Variants in TBC1D22A observed in about 807,000 individuals in gnomAD.
The protein encoded by TBC1D22A is putative GTPase activator.
Under a neutral mutation model 60.2 loss-of-function variants are expected in TBC1D22A, and 38 were observed. The ratio of observed to expected loss-of-function variants is 0.63; its 90% CI spans 0.49 to 0.83. TBC1D22A has a LOEUF of 0.83. Among genes scored for constraint, TBC1D22A ranks in the 40% least tolerant of loss-of-function variants. The probability of loss-of-function intolerance (pLI) is 0.00; values close to 1 mark genes in which losing one functional copy is unlikely to be tolerated. For synonymous variants in TBC1D22A, 302 were observed against 281.7 expected (o/e 1.07, Z -0.72); for missense variants, 628 against 701.0 (o/e 0.90, Z 1.18).
intron 8 of TBC1D22A, among the ~76,000 whole-genome samples, chr22:46,953,873 T>C (rs566619220): frequency 6.6e-6 from 1 of 152,196 alleles, no homozygotes. Flanking sequence ...CCAACACCCT[T>C]AAGAGGGAGG....
At chr22:47,102,681 TC>T (rs2065464816) in intron 11 of TBC1D22A, among the ~76,000 whole-genome samples, 1 of 152,184 alleles carries the variant, frequency 6.6e-6, no homozygotes, top group African/African-American at 2.4e-5. Flanking sequence ...GCATGCCCTC[TC>T]CTAAGTTCTG....
At chr22:46,904,142 T>C (rs55679220) in intron 7 of TBC1D22A, among the ~76,000 whole-genome samples, 6,379 of 134,456 alleles carry the variant, frequency 0.047, 198 homozygotes, top group African/African-American at 0.066. Context: ...TATCTATCTA[T>C]CTACCTACCT....
intron 12 of TBC1D22A, among the ~76,000 whole-genome samples, chr22:47,124,200 C>T (rs1236185901): frequency 6.6e-6 from 1 of 152,180 alleles, no homozygotes; most frequent in Non-Finnish European, 1.5e-5. Flanking sequence ...GGGGTGGGCG[C>T]TGCCCTTGTG....
chr22:47,158,612 C>T (rs775932680), intron 12 of TBC1D22A, among the ~76,000 whole-genome samples: 13 of 152,134 alleles, frequency 8.5e-5, no homozygotes, highest in Non-Finnish European at 1.8e-4. Context: ...GGCCGGGAGC[C>T]CAACTGCCAG....
chr22:46,949,674 T>C (rs2147998322), intron 8 of TBC1D22A, among the ~76,000 whole-genome samples: 1 of 152,362 alleles, frequency 6.6e-6, no homozygotes, highest in Non-Finnish European at 1.5e-5. Flanking sequence ...GGAACTTTTA[T>C]TCTTTTGGTG....
intron 11 of TBC1D22A, among the ~76,000 whole-genome samples, chr22:47,096,499 G>A (rs539482733): frequency 1.3e-5 from 2 of 152,224 alleles, no homozygotes; most frequent in South Asian, 2.1e-4. Context: ...TAAAATTTGG[G>A]GGTAGTTAAC....
intron 12 of TBC1D22A, among the ~76,000 whole-genome samples, chr22:47,159,815 A>G (rs2067898936): frequency 6.6e-6 from 1 of 151,748 alleles, no homozygotes; most frequent in African/African-American, 2.4e-5. Context: ...CACCCACAGC[A>G]CACAACCCCC....
chr22:47,172,547 C>G (rs966605558), intron 12 of TBC1D22A, among the ~76,000 whole-genome samples: 1 of 152,194 alleles, frequency 6.6e-6, no homozygotes. Context: ...TTATGTAAAA[C>G]CTTTTACCTC....
At chr22:47,056,067 G>A (rs28690686) in intron 11 of TBC1D22A, among the ~76,000 whole-genome samples, 9 of 152,112 alleles carry the variant, frequency 5.9e-5, no homozygotes, top group African/African-American at 2.2e-4. Context: ...TAGGTGTCCC[G>A]TGCACACATC....
chr22:46,823,146 G>T (rs2085900596), intron 4 of TBC1D22A, among the ~76,000 whole-genome samples: 1 of 152,156 alleles, frequency 6.6e-6, no homozygotes, highest in Non-Finnish European at 1.5e-5. Flanking sequence ...AAATACACAT[G>T]TAGGAGGCCG....
chr22:47,007,518 G>T (rs1346456212), intron 10 of TBC1D22A, among the ~76,000 whole-genome samples: 1 of 152,190 alleles, frequency 6.6e-6, no homozygotes, highest in Non-Finnish European at 1.5e-5. Context: ...CATACCACAG[G>T]CTGGTGGCTT....
At chr22:46,807,359 G>A (rs1353712865) in intron 4 of TBC1D22A, among the ~76,000 whole-genome samples, 1 of 152,118 alleles carries the variant, frequency 6.6e-6, no homozygotes, top group Non-Finnish European at 1.5e-5. Flanking sequence ...CCTGCTTGTC[G>A]GTGTTGTGGA....
chr22:47,024,683 G>A (rs879926851), intron 10 of TBC1D22A, among the ~76,000 whole-genome samples: 3 of 151,926 alleles, frequency 2.0e-5, no homozygotes, highest in African/African-American at 4.8e-5. Flanking sequence ...GTGAGACCCC[G>A]TCTCTTAAAA....
chr22:46,931,371 GTT>G (rs1318593350), intron 8 of TBC1D22A, among the ~76,000 whole-genome samples: 1 of 152,140 alleles, frequency 6.6e-6, no homozygotes, highest in Non-Finnish European at 1.5e-5. Context: ...TAAAAAATGA[GTT>G]TCTCTTCATT....
chr22:46,881,605 G>A (rs552731609), intron 5 of TBC1D22A, among the ~76,000 whole-genome samples: 4 of 152,342 alleles, frequency 2.6e-5, no homozygotes, highest in Admixed American at 2.0e-4. Context: ...TGTCTGGCTC[G>A]TAGGAGCAGT....
At chr22:47,106,141 A>G (rs2065624997) in intron 11 of TBC1D22A, among the ~76,000 whole-genome samples, 1 of 152,218 alleles carries the variant, frequency 6.6e-6, no homozygotes, top group South Asian at 2.1e-4. Context: ...CAGAAAGACA[A>G]AGAGATGGAA....
At chr22:46,982,325 G>T (rs1479346553) in intron 9 of TBC1D22A, among the ~76,000 whole-genome samples, 2 of 151,412 alleles carry the variant, frequency 1.3e-5, no homozygotes, top group Non-Finnish European at 2.9e-5. Context: ...CCGGGTTCAA[G>T]CAATTCTCCT....
intron 1 of TBC1D22A, among the ~76,000 whole-genome samples, chr22:46,781,047 C>T (rs879269461): frequency 6.6e-6 from 1 of 152,128 alleles, no homozygotes; most frequent in Non-Finnish European, 1.5e-5. Context: ...GGCATTTCCC[C>T]CTGCCCCGAC....
At chr22:46,986,329 G>T (rs2074721043) in intron 9 of TBC1D22A, among the ~76,000 whole-genome samples, 1 of 149,778 alleles carries the variant, frequency 6.7e-6, no homozygotes. Flanking sequence ...AGTCCTCTTT[G>T]TTCTTTTAAA....
Sources: allele counts gnomAD v4.1 joint callset (sites outside exome capture counted in the v4.1 genomes callset), GRCh38; gene constraint gnomAD v4.1.1; transcripts MANE v1.5; gene names NCBI Gene and HGNC (gene_info 2026-07-23, HGNC 2026-07-21).